Variants in GALNTL6 observed in about 807,000 individuals in gnomAD.
GALNTL6 encodes polypeptide N-acetylgalactosaminyltransferase-like 6.
GALNTL6 carries 46 observed loss-of-function variants against 73.7 expected under a neutral mutation model. The ratio of observed to expected loss-of-function variants is 0.62; its 90% CI spans 0.49 to 0.80. GALNTL6 has a LOEUF of 0.80. Among genes scored for constraint, GALNTL6 ranks in the 30% least tolerant of loss-of-function variants. The pLI is 0.00. For missense variants in GALNTL6, 604 were observed against 755.0 expected, an observed-to-expected ratio of 0.80 and a Z score of 2.34; for synonymous variants, 259 against 263.7, an observed-to-expected ratio of 0.98 and a Z score of 0.17.
intron 2 of GALNTL6, among the ~76,000 whole-genome samples, chr4:172,124,912 C>A (rs1445798775): frequency 6.6e-6 from 1 of 151,994 alleles, no homozygotes; most frequent in Non-Finnish European, 1.5e-5. Context: ...AAATTAGACA[C>A]ATCAAGAAAT....
intron 11 of GALNTL6, among the ~76,000 whole-genome samples, chr4:173,010,883 G>A (rs1222761724): frequency 6.6e-6 from 1 of 151,908 alleles, no homozygotes; most frequent in Non-Finnish European, 1.5e-5. Context: ...GGGATTACAG[G>A]CATAAGCCAC....
intron 2 of GALNTL6, among the ~76,000 whole-genome samples, chr4:172,192,303 C>T (rs1433711735): frequency 3.3e-5 from 5 of 151,958 alleles, no homozygotes; most frequent in Non-Finnish European, 7.4e-5. Flanking sequence ...AAGACTTTGA[C>T]AGACAATGTA....
At chr4:172,535,621 A>G (rs1200407564) in intron 5 of GALNTL6, among the ~76,000 whole-genome samples, 1 of 152,254 alleles carries the variant, frequency 6.6e-6, no homozygotes, top group South Asian at 2.1e-4. Flanking sequence ...ACTATTTTAG[A>G]GAAGATAATA....
chr4:172,069,555 G>GTTATCTATAACACATATGTGTTATATATA lies in GALNTL6; in HGVS notation c.139-160097_139-160096insCTATAACACATATGTGTTATATATATTAT. On this transcript the variant is annotated intron_variant, in intron 2 of 12. Transcript: ENST00000506823. ...CATATATTATATATAACACATATATGTTATATATAACACATATATGTTATA... is the reference window on the plus strand; with the variant it reads ...CATATATTATATATAACACATATATGTTATCTATAACACATATGTGTTATATATATTATATATAACACATATATGTTATA... Among the ~76,000 whole-genome samples the GTTATCTATAACACATATGTGTTATATATA allele has an allele frequency of 3.3e-5, 2 of 60,928 alleles. 1 individual carries two copies. Among genetic ancestry groups the GTTATCTATAACACATATGTGTTATATATA allele is most frequent in the South Asian group, 9.2e-4 (2 of 2,180 alleles). 40.0% of individuals were successfully genotyped at this position (60,928 alleles called of 152,430 possible).
intron 5 of GALNTL6, among the ~76,000 whole-genome samples, chr4:172,446,461 G>A (rs1732024308): frequency 6.6e-6 from 1 of 152,162 alleles, no homozygotes; most frequent in South Asian, 2.1e-4. Context: ...CATTCATGAA[G>A]GACTACTAGG....
intron 2 of GALNTL6, among the ~76,000 whole-genome samples, chr4:171,909,750 T>C (rs1737416995): frequency 6.6e-6 from 1 of 152,148 alleles, no homozygotes; most frequent in African/African-American, 2.4e-5. Flanking sequence ...CATTTATAAC[T>C]CCTTGTATTA....
At chr4:172,026,150 C>T (rs1741567123) in intron 2 of GALNTL6, among the ~76,000 whole-genome samples, 1 of 151,954 alleles carries the variant, frequency 6.6e-6, no homozygotes, top group Non-Finnish European at 1.5e-5. Flanking sequence ...TTTGCTCACT[C>T]ATATAATATT....
chr4:172,169,132 T>G (rs1469702786), intron 2 of GALNTL6, among the ~76,000 whole-genome samples: 3 of 152,212 alleles, frequency 2.0e-5, no homozygotes, highest in Non-Finnish European at 4.4e-5. Flanking sequence ...GAAGAAGTAG[T>G]TGACTTGTCG....
At chr4:172,650,168 A>G (rs577978603) in intron 5 of GALNTL6, among the ~76,000 whole-genome samples, 1 of 152,138 alleles carries the variant, frequency 6.6e-6, no homozygotes, top group Non-Finnish European at 1.5e-5. Context: ...CCATCTGGTG[A>G]TGAGATTGAG....
intron 2 of GALNTL6, among the ~76,000 whole-genome samples, chr4:171,928,230 A>G (rs935053496): frequency 7.2e-5 from 11 of 152,244 alleles, no homozygotes; most frequent in Non-Finnish European, 1.2e-4. Context: ...AAATAATTTT[A>G]TTTATTAACT....
At chr4:172,544,000 C>T (rs545845276) in intron 5 of GALNTL6, among the ~76,000 whole-genome samples, 1 of 152,178 alleles carries the variant, frequency 6.6e-6, no homozygotes, top group East Asian at 1.9e-4. Context: ...CATTATGATG[C>T]AAAAATAGAG....
intron 5 of GALNTL6, among the ~76,000 whole-genome samples, chr4:172,518,114 T>C (rs17305821): frequency 0.41 from 61,829 of 151,624 alleles, 15,320 homozygotes; most frequent in South Asian, 0.67. Flanking sequence ...ATTATAAAGT[T>C]AGAGTCACCA....
At chr4:172,524,533 A>G (rs189617066) in intron 5 of GALNTL6, among the ~76,000 whole-genome samples, 23 of 152,316 alleles carry the variant, frequency 1.5e-4, no homozygotes, top group Non-Finnish European at 2.2e-4. Context: ...AACGCAACTT[A>G]GTTGTCCTTT....
In GALNTL6 at chr4:171,880,251, C is replaced by T. The variant is rs530721661; in HGVS notation, c.138+65533C>T. Among the ~76,000 whole-genome samples the T allele has an allele frequency of 2.2e-4, 34 of 152,284 alleles. No individual in the cohort carries two copies. In the South Asian group the frequency reaches 6.2e-3, roughly 28 times the overall value. ...CCTTGCTGCTGTGCTATGTTTATTACTGTACTAAAACAAGGTTACTTTGTA... is the reference window on the plus strand; with the variant it reads ...CCTTGCTGCTGTGCTATGTTTATTATTGTACTAAAACAAGGTTACTTTGTA... On this transcript the variant is annotated intron_variant, in intron 2 of 12. Coordinates refer to ENST00000506823, the MANE Select transcript of GALNTL6 (RefSeq NM_001034845.3).
intron 7 of GALNTL6, among the ~76,000 whole-genome samples, chr4:172,849,443 A>G (rs974778429): frequency 1.3e-5 from 2 of 152,212 alleles, no homozygotes. Flanking sequence ...CTTATTCACC[A>G]TTGTGGCCCA....
At chr4:172,834,091 TG>T (rs1228816681) in intron 7 of GALNTL6, among the ~76,000 whole-genome samples, 2 of 152,196 alleles carry the variant, frequency 1.3e-5, no homozygotes, top group Non-Finnish European at 2.9e-5. Flanking sequence ...CACTCCAGCC[TG>T]GGCAACAAGA....
chr4:172,888,403 A>G (rs912248297), intron 8 of GALNTL6, among the ~76,000 whole-genome samples: 2 of 152,222 alleles, frequency 1.3e-5, no homozygotes, highest in Admixed American at 6.5e-5. Context: ...TCTTCTGCAT[A>G]TAGATATCCA....
chr4:172,857,415 C>A (rs1560995900), intron 7 of GALNTL6, among the ~76,000 whole-genome samples: 1 of 152,022 alleles, frequency 6.6e-6, no homozygotes, highest in Non-Finnish European at 1.5e-5. Flanking sequence ...CTGTTTAATG[C>A]AGGATCACTA....
chr4:171,972,536 T>C (rs1031235424), intron 2 of GALNTL6, among the ~76,000 whole-genome samples: 2 of 152,264 alleles, frequency 1.3e-5, no homozygotes, highest in East Asian at 3.9e-4. Context: ...AATTCCATGA[T>C]AATAAATTAT....
Sources: allele counts gnomAD v4.1 joint callset (sites outside exome capture counted in the v4.1 genomes callset), GRCh38; gene constraint gnomAD v4.1.1; transcripts MANE v1.5; gene names NCBI Gene and HGNC (gene_info 2026-07-23, HGNC 2026-07-21).